Variants in TMEM132C observed in about 807,000 individuals in gnomAD.
TMEM132C encodes protein phosphatase 1, regulatory subunit 152.
A neutral mutation model predicts 61.4 loss-of-function variants in TMEM132C; 29 were observed. The ratio of observed to expected loss-of-function variants is 0.47; its 90% confidence interval spans 0.35 to 0.64. The LOEUF (loss-of-function observed/expected upper bound fraction) is 0.64, where lower values mean the gene tolerates loss of function less well. Ranked by LOEUF, TMEM132C falls within the 30% of genes least tolerant of loss-of-function variation. The pLI, the probability that TMEM132C is intolerant of heterozygous loss-of-function variation, is 0.00. For missense variants in TMEM132C, 1,408 were observed against 1,476.9 expected (o/e 0.95, Z 0.76); for synonymous variants, 656 against 633.1 (o/e 1.04, Z -0.54).
chr12:128,531,104 AT>A (rs11331863), intron 2 of TMEM132C, among the ~76,000 whole-genome samples: 36,019 of 152,060 alleles, frequency 0.24, 5,456 homozygotes, highest in East Asian at 0.41. Flanking sequence ...TAATTGTTTT[AT>A]GAAGAAACAT....
chr12:128,633,943 T>C (rs897280618), intron 4 of TMEM132C, among the ~76,000 whole-genome samples: 3 of 152,230 alleles, frequency 2.0e-5, no homozygotes, highest in Non-Finnish European at 2.9e-5. Flanking sequence ...ATATACAAAA[T>C]TGCCTATCAA....
intron 3 of TMEM132C, among the ~76,000 whole-genome samples, chr12:128,558,673 C>T (rs1365955882): frequency 6.6e-6 from 1 of 152,264 alleles, no homozygotes; most frequent in Non-Finnish European, 1.5e-5. Context: ...TCCAAATTCC[C>T]ACTGGAAGCT....
chr12:128,309,493 T>C (rs1402493023), intron 1 of TMEM132C, among the ~76,000 whole-genome samples: 1 of 152,136 alleles, frequency 6.6e-6, no homozygotes, highest in East Asian at 1.9e-4. Flanking sequence ...AACTTTTCCA[T>C]CACCCCAGAA....
intron 2 of TMEM132C, among the ~76,000 whole-genome samples, chr12:128,471,165 G>C (rs1043153650): frequency 2.0e-5 from 3 of 152,176 alleles, no homozygotes; most frequent in African/African-American, 7.2e-5. Context: ...GATGTCTCCA[G>C]ATACTCCAGA....
In TMEM132C at chr12:128,377,316, G is replaced by C. The variant is rs560642572; in HGVS notation, c.86-37416G>C. On this transcript the variant is annotated intron_variant, in intron 1 of 8. Transcript: ENST00000435159. ...GATCTGCCTGCCTTGGCCTCCCAAA[G>C]GGTTGGGATTATAGGCATGAGCCAC... 2.6e-5 allele frequency among the ~76,000 whole-genome samples: 4 copies of C among 152,294 alleles called. No individual in the cohort carries two copies. In the South Asian group the frequency reaches 8.3e-4, roughly 32 times the overall value.
At chr12:128,493,169 G>T (rs1475051215) in intron 2 of TMEM132C, among the ~76,000 whole-genome samples, 3 of 152,132 alleles carry the variant, frequency 2.0e-5, no homozygotes, top group Admixed American at 6.5e-5. Flanking sequence ...TAGATGTGTA[G>T]TATTATTTCT....
intron 1 of TMEM132C, 69 bp from the exon 2 acceptor site, chr12:128,414,663 A>T: frequency 7.0e-7 from 1 of 1,425,832 alleles, no homozygotes; most frequent in South Asian, 1.5e-5. Context: ...TACAGACCTA[A>T]CAGCTAATGA....
intron 2 of TMEM132C, among the ~76,000 whole-genome samples, chr12:128,461,528 G>A (rs1170465021): frequency 6.6e-6 from 1 of 151,798 alleles, no homozygotes; most frequent in African/African-American, 2.4e-5. Flanking sequence ...GGGAAGCAAA[G>A]TTTTTATTGT....
chr12:128,592,909 G>A (rs1321231447), intron 3 of TMEM132C, among the ~76,000 whole-genome samples: 1 of 152,240 alleles, frequency 6.6e-6, no homozygotes, highest in Admixed American at 6.5e-5. Flanking sequence ...TCTGTAGCCA[G>A]CCTGGCTCTG....
chr12:128,419,905 A>G (rs1036991292), intron 2 of TMEM132C, among the ~76,000 whole-genome samples: 1 of 152,070 alleles, frequency 6.6e-6, no homozygotes, highest in Non-Finnish European at 1.5e-5. Flanking sequence ...AAAATAATCA[A>G]AATTGGGTTG....
chr12:128,521,979 A>G (rs760489422), intron 2 of TMEM132C, among the ~76,000 whole-genome samples: 2 of 152,180 alleles, frequency 1.3e-5, no homozygotes, highest in African/African-American at 2.4e-5. Flanking sequence ...TTGTCCTCAC[A>G]TGTAGCTAAA....
At chr12:128,620,779 C>T (rs904017713) in intron 4 of TMEM132C, among the ~76,000 whole-genome samples, 5 of 151,862 alleles carry the variant, frequency 3.3e-5, no homozygotes, top group Non-Finnish European at 7.4e-5. Context: ...ACCCCTAAAA[C>T]ATGACAGTAA....
At chr12:128,274,692 C>T (rs1870627133) in intron 1 of TMEM132C, among the ~76,000 whole-genome samples, 1 of 152,116 alleles carries the variant, frequency 6.6e-6, no homozygotes, top group African/African-American at 2.4e-5. Context: ...ATTTTTGTCT[C>T]AGTGCTCATG....
chr12:128,641,516 C>T (rs941768829), intron 4 of TMEM132C, among the ~76,000 whole-genome samples: 1 of 152,126 alleles, frequency 6.6e-6, no homozygotes, highest in African/African-American at 2.4e-5. Flanking sequence ...ACACAGAGAG[C>T]ACTGTGGGAA....
chr12:128,370,049 T>G (rs888076799), intron 1 of TMEM132C, among the ~76,000 whole-genome samples: 6 of 152,208 alleles, frequency 3.9e-5, no homozygotes, highest in African/African-American at 1.4e-4. Flanking sequence ...CACTAAATTT[T>G]TCTGCCTTTC....
Position 128,351,099 on chromosome 12 carries a change from G to A in TMEM132C, c.86-63633G>A, listed in dbSNP as rs367627689. Among the ~76,000 whole-genome samples, 363 of 152,312 alleles carry A rather than the reference G, an allele frequency of 2.4e-3. 2 individuals carry two copies. Among genetic ancestry groups the A allele is most frequent in the Middle Eastern group, 0.014 (4 of 294 alleles). Reference sequence around the variant, plus strand: ...GCTCTCTTATTTAAGCCTGTGCTGTGTGGGGTCGTCCTGTAACTCACCACT... The same window carrying A: ...GCTCTCTTATTTAAGCCTGTGCTGTATGGGGTCGTCCTGTAACTCACCACT... On this transcript the variant is annotated intron_variant, in intron 1 of 8. Coordinates refer to ENST00000435159, the MANE Select transcript of TMEM132C (RefSeq NM_001136103.3).
chr12:128,428,544 A>G (rs905178674), intron 2 of TMEM132C, among the ~76,000 whole-genome samples: 3 of 152,086 alleles, frequency 2.0e-5, no homozygotes, highest in African/African-American at 7.2e-5. Flanking sequence ...CAACATACCT[A>G]TTTTCCAGGC....
chr12:128,382,290 G>A (rs886637869), intron 1 of TMEM132C, among the ~76,000 whole-genome samples: 1 of 152,034 alleles, frequency 6.6e-6, no homozygotes, highest in Non-Finnish European at 1.5e-5. Flanking sequence ...TCATACTGAC[G>A]TACTGCACAG....
intron 2 of TMEM132C, among the ~76,000 whole-genome samples, chr12:128,484,074 A>G (rs1286151613): frequency 6.6e-6 from 1 of 152,222 alleles, no homozygotes; most frequent in Admixed American, 6.5e-5. Context: ...CATTTGCACC[A>G]TGGAAACTAG....
Sources: allele counts gnomAD v4.1 joint callset (sites outside exome capture counted in the v4.1 genomes callset), GRCh38; gene constraint gnomAD v4.1.1; transcripts MANE v1.5; gene names NCBI Gene and HGNC (gene_info 2026-07-23, HGNC 2026-07-21).